The following PDE10A variants were observed in gnomAD, a reference collection of about 807,000 sequenced individuals.
PDE10A encodes the protein phosphodiesterase 10A.
PDE10A carries 39 observed loss-of-function variants against 97.7 expected under a neutral mutation model. The ratio of observed to expected loss-of-function variants is 0.40; its 90% CI spans 0.31 to 0.52. PDE10A has a LOEUF of 0.52. PDE10A is among the 20% of genes least tolerant of loss of function. The pLI, the probability that PDE10A is intolerant of heterozygous loss-of-function variation, is 0.56. For missense variants in PDE10A, 731 were observed against 1,047.8 expected, an observed-to-expected ratio of 0.70 and a Z score of 4.17; for synonymous variants, 371 against 376.8, an observed-to-expected ratio of 0.98 and a Z score of 0.18.
At chr6:165,908,633 CAG>C (rs1319360900) in intron 1 of PDE10A, among the ~76,000 whole-genome samples, 1 of 152,188 alleles carries the variant, frequency 6.6e-6, no homozygotes, top group Admixed American at 6.5e-5. Context: ...GTTGTATTGT[CAG>C]AGGAGTGGGC....
intron 1 of PDE10A, among the ~76,000 whole-genome samples, chr6:165,783,270 T>C (rs916795252): frequency 1.3e-5 from 2 of 152,232 alleles, no homozygotes; most frequent in Non-Finnish European, 2.9e-5. Context: ...AGAATACGAA[T>C]GACGATTACA....
At chr6:165,568,730 G>T (rs1289938809) in intron 1 of PDE10A, among the ~76,000 whole-genome samples, 3 of 152,172 alleles carry the variant, frequency 2.0e-5, no homozygotes, top group Non-Finnish European at 4.4e-5. Context: ...AAGTTAAAGG[G>T]TGCAAGTTCT....
At chr6:165,484,693 C>T (rs933384272) in intron 2 of PDE10A, among the ~76,000 whole-genome samples, 2 of 152,200 alleles carry the variant, frequency 1.3e-5, no homozygotes, top group African/African-American at 4.8e-5. Context: ...AAGTGACAAG[C>T]TGCATCTGGC....
intron 2 of PDE10A, among the ~76,000 whole-genome samples, chr6:165,489,289 C>A (rs142702409): frequency 3.3e-5 from 5 of 152,104 alleles, no homozygotes; most frequent in Non-Finnish European, 5.9e-5. Flanking sequence ...GCAGACACTC[C>A]CCAGAGACAA....
intron 17 of PDE10A, among the ~76,000 whole-genome samples, chr6:165,385,362 T>C (rs16897782): frequency 0.21 from 32,534 of 151,834 alleles, 3,756 homozygotes; most frequent in East Asian, 0.36. Context: ...TTCAACTGCT[T>C]GGGCAGAAGT....
chr6:165,403,848 A>G (rs1196055042), intron 13 of PDE10A, among the ~76,000 whole-genome samples: 1 of 152,148 alleles, frequency 6.6e-6, no homozygotes, highest in East Asian at 1.9e-4. Flanking sequence ...GTGCCTGGAT[A>G]ATTTTATTTA....
chr6:165,561,218 CAAAA>C (rs879668151), intron 1 of PDE10A, among the ~76,000 whole-genome samples: 1 of 123,522 alleles, frequency 8.1e-6, no homozygotes, highest in South Asian at 2.6e-4. Context: ...GACTCCAACT[CAAAA>C]AAAAAAAAAA....
rs888963201 is a variant in PDE10A, at chr6:165,579,196, T to C, written c.866-35628A>G. On this transcript the variant is annotated intron_variant, in intron 1 of 21. Coordinates refer to ENST00000539869, the MANE Select transcript of PDE10A (RefSeq NM_001385079.1). ...GTATGCCATGCTAAGGACTTCAGAA[T>C]TTTATTTGTAGGTGGATGGAAACAT... 2.6e-5 allele frequency among the ~76,000 whole-genome samples: 4 copies of C among 152,160 alleles called. 1 individual carries two copies. The highest frequency in any genetic ancestry group is 2.6e-4 in the Admixed American group (4 of 15,278).
chr6:165,979,065 C>T lies in PDE10A; in HGVS notation c.-615+8464G>A, dbSNP rs142378850. Among the ~76,000 whole-genome samples, 377 of 152,280 alleles carry T rather than the reference C, an allele frequency of 2.5e-3. 3 individuals are homozygous for T. Among genetic ancestry groups the T allele is most frequent in the African/African-American group, 8.6e-3 (359 of 41,556 alleles). On this transcript the variant is annotated intron_variant, in intron 1 of 19. Transcript: ENST00000366882. ...TTCAGATGTCAACTCTGATGACACA[C>T]GCACCAAGAGGACATAAACCGGTTT...
chr6:165,841,972 C>T (rs772676404), intron 1 of PDE10A, among the ~76,000 whole-genome samples: 85 of 152,288 alleles, frequency 5.6e-4, no homozygotes, highest in African/African-American at 1.7e-3. Context: ...CAACACTCCC[C>T]GCTTCTGCAG....
intron 15 of PDE10A, 57 bp from the exon 16 acceptor site, chr6:165,392,853 G>A (rs556895617): frequency 3.3e-5 from 49 of 1,503,816 alleles, no homozygotes; most frequent in Middle Eastern, 3.5e-4. Flanking sequence ...TATGTTGTAG[G>A]AGAACTCCCT....
chr6:165,693,552 A>AAT (rs1791364571), intron 1 of PDE10A, among the ~76,000 whole-genome samples: 1 of 148,606 alleles, frequency 6.7e-6, no homozygotes, highest in African/African-American at 2.5e-5. Flanking sequence ...AAAAAAAAAA[A>AAT]CCGAGTGCAC....
chr6:165,334,539 G>A (rs1483068064), intron 21 of PDE10A, among the ~76,000 whole-genome samples: 1 of 152,230 alleles, frequency 6.6e-6, no homozygotes, highest in Non-Finnish European at 1.5e-5. Context: ...AAAACACACA[G>A]AATTTCTGGA....
chr6:165,977,224 C>T (rs969236771), intron 1 of PDE10A, among the ~76,000 whole-genome samples: 3 of 152,164 alleles, frequency 2.0e-5, no homozygotes, highest in Non-Finnish European at 4.4e-5. Flanking sequence ...ATCAAAATCA[C>T]AATAGCACGA....
intron 1 of PDE10A, among the ~76,000 whole-genome samples, chr6:165,582,615 G>C (rs1320349732): frequency 1.4e-5 from 2 of 147,516 alleles, no homozygotes; most frequent in Non-Finnish European, 3.0e-5. Flanking sequence ...CAACTCAAAG[G>C]AAAAAAAATA....
chr6:165,748,969 T>C (rs1318922831), intron 1 of PDE10A, among the ~76,000 whole-genome samples: 1 of 152,162 alleles, frequency 6.6e-6, no homozygotes, highest in Non-Finnish European at 1.5e-5. Flanking sequence ...GTTAACCCGT[T>C]TCAGGTTCCT....
chr6:165,893,303 A>G (rs1325502159), intron 1 of PDE10A, among the ~76,000 whole-genome samples: 1 of 152,148 alleles, frequency 6.6e-6, no homozygotes, highest in Non-Finnish European at 1.5e-5. Flanking sequence ...TTTGGTCCAC[A>G]TTAAATTTAG....
At chr6:165,831,371 CAAA>C (rs760962725) in intron 1 of PDE10A, among the ~76,000 whole-genome samples, 758 of 44,536 alleles carry the variant, frequency 0.017, 2 homozygotes, top group African/African-American at 0.067. Context: ...GACTCTGTCT[CAAA>C]AAAAAAAAAA....
chr6:165,807,849 C>T (rs1237134108), intron 1 of PDE10A, among the ~76,000 whole-genome samples: 3 of 152,118 alleles, frequency 2.0e-5, no homozygotes, highest in Non-Finnish European at 4.4e-5. Flanking sequence ...GAGTTAGGTA[C>T]GCCTTGTGCC....
Sources: gnomAD v4.1 joint callset for allele counts (sites outside exome capture counted in the v4.1 genomes callset) on GRCh38, gnomAD v4.1.1 for gene constraint, MANE v1.5 for transcripts, NCBI Gene and HGNC (gene_info 2026-07-23, HGNC 2026-07-21) for gene names.